Variants in SLC14A2 observed in about 807,000 individuals in gnomAD.
SLC14A2 encodes solute carrier family 14 member 2, also known as urea transporter 2.
A neutral mutation model predicts 104.6 loss-of-function variants in SLC14A2; 91 were observed. That is an observed-to-expected ratio of 0.87 (90% CI 0.73 to 1.04). The LOEUF is 1.04. Ranked by LOEUF, SLC14A2 falls within the 50% of genes least tolerant of loss-of-function variation. The pLI is 0.00. For missense variants in SLC14A2, 1,189 were observed against 1,156.0 expected (o/e 1.03, Z -0.41); for synonymous variants, 476 against 466.4 (o/e 1.02, Z -0.27).
At chr18:45,373,072 C>G (rs952054564) in intron 1 of SLC14A2, among the ~76,000 whole-genome samples, 18 of 152,130 alleles carry the variant, frequency 1.2e-4, no homozygotes, top group African/African-American at 4.1e-4. Flanking sequence ...CGCTTGTAGA[C>G]TATCTGATGG....
intron 1 of SLC14A2, among the ~76,000 whole-genome samples, chr18:45,414,744 T>G (rs1467376862): frequency 1.9e-5 from 1 of 52,384 alleles, no homozygotes; most frequent in African/African-American, 1.2e-4. Context: ...GCACCGAGCG[T>G]AAAAAAAAAA....
intron 1 of SLC14A2, among the ~76,000 whole-genome samples, chr18:45,281,408 A>C (rs752485653): frequency 3.9e-5 from 6 of 152,222 alleles, no homozygotes; most frequent in Non-Finnish European, 7.3e-5. Context: ...AGGCAGGATT[A>C]TCATTGGTCT....
chr18:45,258,700 C>T (rs2144093346), intron 1 of SLC14A2, among the ~76,000 whole-genome samples: 1 of 143,052 alleles, frequency 7.0e-6, no homozygotes, highest in African/African-American at 2.7e-5. Context: ...TCTTATTTTC[C>T]AGTAACGTCA....
intron 1 of SLC14A2, among the ~76,000 whole-genome samples, chr18:45,322,650 C>T (rs2085196714): frequency 1.3e-5 from 2 of 152,192 alleles, no homozygotes; most frequent in South Asian, 4.1e-4. Context: ...TTGTTTTTAG[C>T]CTCTTCAGGA....
chr18:45,678,869 T>G (rs1352161318), intron 18 of SLC14A2, 106 bp from the exon 19 acceptor site: 2 of 1,037,898 alleles, frequency 1.9e-6, no homozygotes, highest in Non-Finnish European at 2.8e-6. Context: ...ATCTTAGAGA[T>G]AGCATTTGTG....
At chr18:45,623,393 T>C (rs774206835) in intron 1 of SLC14A2, among the ~76,000 whole-genome samples, 16 of 152,046 alleles carry the variant, frequency 1.1e-4, no homozygotes, top group Non-Finnish European at 1.9e-4. Context: ...ATGAAGATGA[T>C]TAGTAGGAGC....
At chr18:45,402,407 C>T (rs1016257294) in intron 1 of SLC14A2, among the ~76,000 whole-genome samples, 2 of 152,196 alleles carry the variant, frequency 1.3e-5, no homozygotes, top group African/African-American at 4.8e-5. Context: ...AGAGCCAGCC[C>T]TCATCGCTGT....
the SLC14A2 span, among the ~76,000 whole-genome samples, chr18:45,182,633 CAG>C: frequency 6.6e-6 from 1 of 151,194 alleles, no homozygotes; most frequent in East Asian, 1.9e-4. Flanking sequence ...CACAAAGAAA[CAG>C]AAACTATTAT....
chr18:45,609,515 C>T (rs1192755972), intron 2 of SLC14A2, among the ~76,000 whole-genome samples: 1 of 152,206 alleles, frequency 6.6e-6, no homozygotes, highest in African/African-American at 2.4e-5. Flanking sequence ...CCACCACCCA[C>T]TGCCAGCATT....
the SLC14A2 span, among the ~76,000 whole-genome samples, chr18:45,193,742 C>A: frequency 2.0e-5 from 3 of 151,012 alleles, no homozygotes; most frequent in Non-Finnish European, 4.4e-5. Flanking sequence ...TTTTCAATTT[C>A]TACAAAAATT....
chr18:45,611,180 C>A (rs1043050865), upstream of SLC14A2, among the ~76,000 whole-genome samples: 3 of 152,184 alleles, frequency 2.0e-5, no homozygotes, highest in African/African-American at 4.8e-5. Flanking sequence ...TGCAAGTTAT[C>A]CTTTTCCCCA....
intron 12 of SLC14A2, among the ~76,000 whole-genome samples, chr18:45,666,478 G>T (rs760804215): frequency 6.6e-6 from 1 of 151,926 alleles, no homozygotes; most frequent in Non-Finnish European, 1.5e-5. Context: ...ATAAGCTGGT[G>T]CCTGTTTTCA....
chr18:45,337,041 A>T (rs968181724), intron 1 of SLC14A2, among the ~76,000 whole-genome samples: 2 of 151,664 alleles, frequency 1.3e-5, no homozygotes, highest in African/African-American at 4.9e-5. Context: ...GAAAAAAAAA[A>T]CCCCTTAGAT....
the SLC14A2 span, among the ~76,000 whole-genome samples, chr18:45,183,906 A>ATTTTTTTTTTTTTTTTTTTTTTTTTT: frequency 1.6e-5 from 1 of 62,698 alleles, no homozygotes; most frequent in Non-Finnish European, 2.7e-5. Flanking sequence ...TAATTTTCTA[A>ATTTTTTTTTTTTTTTTTTTTTTTTTT]TTTTTTTTTT....
intron 2 of SLC14A2, among the ~76,000 whole-genome samples, chr18:45,508,641 A>G (rs955350976): frequency 6.6e-6 from 1 of 152,170 alleles, no homozygotes; most frequent in African/African-American, 2.4e-5. Flanking sequence ...CAGCCTACTA[A>G]TGGGTGCTCA....
intron 1 of SLC14A2, among the ~76,000 whole-genome samples, chr18:45,326,945 C>T (rs1213976151): frequency 2.6e-5 from 4 of 152,198 alleles, no homozygotes; most frequent in African/African-American, 7.2e-5. Context: ...TAGGACTTCA[C>T]AGAACCAGAC....
chr18:45,298,142 T>G (rs1452154498), intron 1 of SLC14A2, among the ~76,000 whole-genome samples: 1 of 146,768 alleles, frequency 6.8e-6, no homozygotes, highest in Non-Finnish European at 1.5e-5. Context: ...ATAAGCATCT[T>G]TTTAAAAAAA....
At chr18:45,194,042 G>A in the SLC14A2 span, among the ~76,000 whole-genome samples, 1 of 152,122 alleles carries the variant, frequency 6.6e-6, no homozygotes, top group South Asian at 2.1e-4. Context: ...ATTGATTTCT[G>A]TATATTGATT....
chr18:45,338,682 CAAAAAAA>C (rs59474827), intron 1 of SLC14A2, among the ~76,000 whole-genome samples: 63 of 51,840 alleles, frequency 1.2e-3, no homozygotes, highest in Admixed American at 3.5e-3. Flanking sequence ...CACTGGCTCA[CAAAAAAA>C]AAAAAAAAAA....
Sources: gnomAD v4.1 joint callset for allele counts (sites outside exome capture counted in the v4.1 genomes callset) on GRCh38, gnomAD v4.1.1 for gene constraint, MANE v1.5 for transcripts, NCBI Gene and HGNC (gene_info 2026-07-23, HGNC 2026-07-21) for gene names.